CRPPA: variants seen among roughly 807,000 people sequenced by gnomAD.
CRPPA encodes the protein D-ribitol-5-phosphate cytidylyltransferase.
A neutral mutation model predicts 52.0 loss-of-function variants in CRPPA; 43 were observed. The observed-to-expected ratio is 0.83, with a 90% confidence interval of 0.65 to 1.07. The LOEUF (loss-of-function observed/expected upper bound fraction) is 1.07. CRPPA is among the 50% of genes least tolerant of loss of function. The probability of loss-of-function intolerance (pLI) is 0.00; values close to 1 mark genes in which losing one functional copy is unlikely to be tolerated. For missense variants in CRPPA, 629 were observed against 551.7 expected (o/e 1.14, Z -1.40); for synonymous variants, 250 against 203.5 (o/e 1.23, Z -1.94).
intron 4 of CRPPA, among the ~76,000 whole-genome samples, chr7:16,307,545 T>C (rs1052182805): frequency 3.3e-5 from 5 of 151,008 alleles, no homozygotes; most frequent in African/African-American, 1.2e-4. Context: ...AGCCGGGTGG[T>C]GGTAGGCACC....
chr7:16,135,191 T>C (rs550760664), intron 9 of CRPPA, among the ~76,000 whole-genome samples: 49 of 152,242 alleles, frequency 3.2e-4, no homozygotes, highest in African/African-American at 9.1e-4. Flanking sequence ...ACAGAAAAAC[T>C]TTGCAAAGGT....
chr7:16,340,624 A>C (rs1435462138), intron 3 of CRPPA, among the ~76,000 whole-genome samples: 2 of 151,154 alleles, frequency 1.3e-5, no homozygotes, highest in African/African-American at 4.9e-5. Flanking sequence ...AAGAAAAAAA[A>C]AACGAAAAAA....
At chr7:16,212,318 TATTATAAGTA>T (rs1782171051) in intron 9 of CRPPA, among the ~76,000 whole-genome samples, 1 of 152,148 alleles carries the variant, frequency 6.6e-6, no homozygotes, top group Non-Finnish European at 1.5e-5. Context: ...TTTCCCACTA[TATTATAAGTA>T]AGTGAAATGA....
intron 6 of CRPPA, among the ~76,000 whole-genome samples, chr7:16,267,301 G>A (rs1435049940): frequency 6.6e-6 from 1 of 152,142 alleles, no homozygotes; most frequent in Non-Finnish European, 1.5e-5. Flanking sequence ...TTTTAGATGT[G>A]TATTTCTCGA....
chr7:16,253,070 G>A (rs537529753), intron 8 of CRPPA, among the ~76,000 whole-genome samples: 1 of 152,004 alleles, frequency 6.6e-6, no homozygotes, highest in Non-Finnish European at 1.5e-5. Context: ...TGGATTCATT[G>A]ATTTTTTGAA....
intron 8 of CRPPA, among the ~76,000 whole-genome samples, chr7:16,248,550 C>T (rs919685996): frequency 6.6e-6 from 1 of 152,162 alleles, no homozygotes; most frequent in Non-Finnish European, 1.5e-5. Context: ...AAGGGGAGTA[C>T]TCCAATGGAA....
chr7:16,289,274 A>T (rs555837239), intron 5 of CRPPA, among the ~76,000 whole-genome samples: 87 of 152,294 alleles, frequency 5.7e-4, no homozygotes, highest in Non-Finnish European at 1.1e-3. Flanking sequence ...TCTACCAAAC[A>T]TATCAAGAAG....
chr7:16,297,228 T>C (rs1031926342), intron 5 of CRPPA, among the ~76,000 whole-genome samples: 2 of 152,194 alleles, frequency 1.3e-5, no homozygotes, highest in Non-Finnish European at 2.9e-5. Flanking sequence ...GAGCAATGTA[T>C]ATATCTTACA....
At chr7:16,277,190 T>G (rs1269344124) in intron 6 of CRPPA, 1 of 151,982 alleles carries the variant, frequency 6.6e-6, no homozygotes. Flanking sequence ...GTGCAAGCAG[T>G]CTGATAACAG....
intron 9 of CRPPA, among the ~76,000 whole-genome samples, chr7:16,207,058 A>T (rs6961397): frequency 1 from 151,797 of 152,284 alleles, 75,658 homozygotes; most frequent in Middle Eastern, 1. Flanking sequence ...TCCTTTTATA[A>T]TCCCATTGTG....
At chr7:16,188,092 G>T (rs1434942250) in intron 9 of CRPPA, among the ~76,000 whole-genome samples, 1 of 146,112 alleles carries the variant, frequency 6.8e-6, no homozygotes, top group Non-Finnish European at 1.5e-5. Context: ...TGTCACCCAG[G>T]CTGGAGTGCA....
intron 2 of CRPPA, among the ~76,000 whole-genome samples, chr7:16,378,829 T>G (rs1345729970): frequency 6.6e-6 from 1 of 152,216 alleles, no homozygotes; most frequent in East Asian, 1.9e-4. Flanking sequence ...GGTATCTCAC[T>G]GTGGTTTTGA....
chr7:16,256,747 A>C (rs1241793262), intron 8 of CRPPA, among the ~76,000 whole-genome samples: 2 of 152,022 alleles, frequency 1.3e-5, no homozygotes, highest in African/African-American at 4.8e-5. Context: ...GGAACATCAC[A>C]CACTGGGGCT....
chr7:16,288,605 G>A (rs1015655612), intron 5 of CRPPA, among the ~76,000 whole-genome samples: 22 of 151,800 alleles, frequency 1.4e-4, no homozygotes, highest in African/African-American at 5.3e-4. Flanking sequence ...CAGCATTTTG[G>A]GAGGCCAAGG....
chr7:16,203,550 TA>T (rs1432087146), intron 9 of CRPPA, among the ~76,000 whole-genome samples: 1 of 152,168 alleles, frequency 6.6e-6, no homozygotes, highest in Non-Finnish European at 1.5e-5. Flanking sequence ...TATTTTATAG[TA>T]CATGCTTGAT....
At chr7:16,321,896 G>A (rs1356643184) in intron 3 of CRPPA, among the ~76,000 whole-genome samples, 1 of 152,042 alleles carries the variant, frequency 6.6e-6, no homozygotes, top group Non-Finnish European at 1.5e-5. Context: ...GAGAAAGATG[G>A]TGAGGCTTAG....
At chr7:16,216,362 G>C (rs1357517117) in intron 8 of CRPPA, 165 bp from the exon 9 acceptor site, 3 of 492,180 alleles carry the variant, frequency 6.1e-6, no homozygotes, top group African/African-American at 6.0e-5. Context: ...TAAGATCGAT[G>C]AATCCTCCTT....
In CRPPA at chr7:16,420,902, A is replaced by G. The variant is rs9691296; in HGVS notation, c.257+164T>C. On this transcript the variant is annotated intron_variant, in intron 1 of 9. Transcript: ENST00000407010. The stretch of plus-strand genomic sequence containing the variant: ...TCGTGCCCATCTGTTAAAGGCCAGA[A>G]CTTCCCATCTCTGAAATGCGGGAGG... Among the ~76,000 whole-genome samples, 65,166 of 151,806 alleles carry G rather than the reference A, an allele frequency of 0.43. 15,591 individuals carry two copies. Among genetic ancestry groups the G allele is most frequent in the African/African-American group, 0.64 (26,649 of 41,420 alleles).
intron 9 of CRPPA, among the ~76,000 whole-genome samples, chr7:16,158,116 C>T (rs1309289132): frequency 6.6e-6 from 1 of 151,142 alleles, no homozygotes; most frequent in African/African-American, 2.4e-5. Flanking sequence ...GATCTCCTGA[C>T]CTCGTGATCC....
Sources: gnomAD v4.1 joint callset for allele counts (sites outside exome capture counted in the v4.1 genomes callset) on GRCh38, gnomAD v4.1.1 for gene constraint, MANE v1.5 for transcripts, NCBI Gene and HGNC (gene_info 2026-07-23, HGNC 2026-07-21) for gene names.